Variants in SLC34A3 observed in about 807,000 individuals in gnomAD.
SLC34A3 encodes solute carrier family 34 member 3.
SLC34A3 carries 60 observed loss-of-function variants against 43.9 expected under a neutral mutation model. The observed-to-expected ratio is 1.37, with a 90% CI of 1.11 to 1.70. The LOEUF (loss-of-function observed/expected upper bound fraction) is 1.70, where lower values mean the gene tolerates loss of function less well. SLC34A3 is among the 40% of genes most tolerant of loss of function. The pLI is 0.00. For missense variants in SLC34A3, 969 were observed against 823.8 expected, an observed-to-expected ratio of 1.18 and a Z score of -2.16; for synonymous variants, 451 against 386.2, an observed-to-expected ratio of 1.17 and a Z score of -1.97.
Position 137,233,174 on chromosome 9 carries a change from C to A in SLC34A3, c.561-35C>A, listed in dbSNP as rs1460295866. The A allele has an allele frequency of 2.6e-6, 4 of 1,557,898 alleles. No homozygotes were observed. In the East Asian group the frequency reaches 9.7e-5, roughly 38 times the overall value. On this transcript the variant is annotated intron_variant, in intron 6 of 12. Coordinates refer to ENST00000673835, the MANE Select transcript of SLC34A3 (RefSeq NM_001177316.2). ...GCAGTGGCAGCCCCAGCCCGGGCCC[C>A]CCCACCTGACCCTGCCCACTCTCTG...
intron 7 of SLC34A3, 65 bp from the exon 8 acceptor site, chr9:137,233,568 G>A (rs961369924): frequency 2.5e-5 from 40 of 1,574,906 alleles, no homozygotes; most frequent in Middle Eastern, 1.7e-4. Flanking sequence ...CCCCGCGGGC[G>A]CCAGAGCCCC....
At chr9:137,230,499 G>C (rs1036598032), upstream of SLC34A3, among the ~76,000 whole-genome samples, 1 of 152,218 alleles carries the variant, frequency 6.6e-6, no homozygotes. Flanking sequence ...AGAAGGTCTG[G>C]GGAGCCCTGA....
In SLC34A3 at chr9:137,236,548, T is replaced by G; in HGVS notation, c.*132T>G. Reference sequence around the variant, plus strand: ...CTTCTGTGCAAATAAACCAGGCTGTTATCTGGGGTGGCGGTCCTCACTCCC... The same window carrying G: ...CTTCTGTGCAAATAAACCAGGCTGTGATCTGGGGTGGCGGTCCTCACTCCC... On this transcript the variant is annotated 3_prime_UTR_variant, in exon 13 of 13. Coordinates refer to ENST00000673835, the MANE Select transcript of SLC34A3 (RefSeq NM_001177316.2). 1 of 823,336 alleles carries G rather than the reference T, an allele frequency of 1.2e-6. No homozygotes were observed. The highest frequency in any genetic ancestry group is 2.0e-6 in the Non-Finnish European group (1 of 502,420). 51.0% of individuals were successfully genotyped at this position (823,336 alleles called of 1,614,324 possible). A position where few individuals can be genotyped will look rare whatever the true frequency, so the allele number is the denominator to read the frequency against.
Position 137,231,744 on chromosome 9 carries a change from T to A in SLC34A3, c.42T>A (p.Thr14=), listed in dbSNP as rs764319812. 3 of 1,612,770 alleles carry A rather than the reference T, an allele frequency of 1.9e-6. No individual in the cohort carries two copies. Among genetic ancestry groups the A allele is most frequent in the East Asian group, 2.2e-5 (1 of 44,852 alleles). Reference sequence around the variant, plus strand: ...CCGGCAGCCAGGTCCCCCACCCCACTCTGGACGCGGTTGACCTAGTGGAAA... The same window carrying A: ...CCGGCAGCCAGGTCCCCCACCCCACACTGGACGCGGTTGACCTAGTGGAAA... ...SLPGSQVPHP[T]LDAVDLVEKT... Residue 14 remains threonine (T), a synonymous_variant, in exon 2 of 13, where the codon ACT becomes ACA. Transcript: ENST00000673835.
At chr9:137,235,905 AC>A (rs769484381) in intron 12 of SLC34A3, 46 bp from the exon 13 acceptor site, 12 of 1,580,238 alleles carry the variant, frequency 7.6e-6, no homozygotes, top group Non-Finnish European at 1.0e-5. Context: ...GCCCCTGGTG[AC>A]CCCACCTCGT....
Position 137,234,053 on chromosome 9 carries a change from G to GGGGCC in SLC34A3, c.926-56_926-55insGGGCC. ...CGGACAGGCTGCCCTGTGAGGCCCG[G>GGGGCC]CCCACCCCGGCCCACCCCCCAGGCT... On this transcript the variant is annotated intron_variant, in intron 9 of 12. Coordinates refer to ENST00000673835, the MANE Select transcript of SLC34A3 (RefSeq NM_001177316.2). This position sits in a 1 kb window ranked among gnomAD's most constrained non-coding sequence, Gnocchi z 6.9. The GGGGCC allele has an allele frequency of 1.2e-5, 15 of 1,302,188 alleles. No homozygotes were observed. Among genetic ancestry groups the GGGGCC allele is most frequent in the Non-Finnish European group, 9.6e-6 (9 of 939,744 alleles). The allele number at this position is 1,302,188 out of a possible 1,614,324, so 80.7% of individuals were successfully genotyped here.
rs199976309 is a variant in SLC34A3, at chr9:137,234,285, G to C, written c.1093+9G>C. On this transcript the variant is annotated intron_variant, in intron 10 of 12. Transcript: ENST00000673835. The surrounding 1 kb of genome is among the most constrained non-coding windows in gnomAD (Gnocchi z 6.9). Reference sequence around the variant, plus strand: ...GACAGTCATCAATGCGGGTGAGGGCGTGGGAGGAGGTGCGGTGGCCAGGGC... The same window carrying C: ...GACAGTCATCAATGCGGGTGAGGGCCTGGGAGGAGGTGCGGTGGCCAGGGC... The C allele has an allele frequency of 7.5e-6, 12 of 1,609,568 alleles. No homozygotes were observed. In the South Asian group the frequency reaches 1.3e-4, roughly 18 times the overall value.
At chr9:137,231,619 CG>C in intron 1 of SLC34A3, 44 bp from the exon 2 acceptor site, 1 of 1,220,902 alleles carries the variant, frequency 8.2e-7, no homozygotes, top group Non-Finnish European at 1.2e-6. Flanking sequence ...AGGACAGGGC[CG>C]GGGCAGGAGG....
Position 137,233,724 on chromosome 9 carries a change from T to C in SLC34A3, c.846+2T>C. The C allele has an allele frequency of 1.2e-6, 2 of 1,612,306 alleles. No individual in the cohort carries two copies. Among genetic ancestry groups the C allele is most frequent in the South Asian group, 2.2e-5 (2 of 91,064 alleles). The stretch of plus-strand genomic sequence containing the variant: ...TGGTGCGGCACCACGGGGCAGCCGG[T>C]GAGGCACCCAACCCTAGGCCCTCAC... On this transcript the variant is annotated splice_donor_variant, in intron 8 of 12. Transcript: ENST00000673835. LOFTEE classifies it high-confidence loss of function.
rs1040164729 is a variant in SLC34A3, at chr9:137,232,791, G to A, written c.312G>A (p.Val104=). The A allele has an allele frequency of 1.9e-6, 3 of 1,612,934 alleles. No homozygotes were observed. The highest frequency in any genetic ancestry group is 2.7e-5 in the African/African-American group (2 of 74,938). Residue 104 remains valine, a synonymous_variant, in exon 5 of 13, where the codon GTG becomes GTA. Coordinates refer to ENST00000673835, the MANE Select transcript of SLC34A3 (RefSeq NM_001177316.2). ...CCTCTCTTGCCGGTGTAGGCAAAGTGGCCGGAGACATCTTCAAGGACAACG... is the reference window on the plus strand; with the variant it reads ...CCTCTCTTGCCGGTGTAGGCAAAGTAGCCGGAGACATCTTCAAGGACAACG... ...SSAFQLLGSK[V]AGDIFKDNVV...
chr9:137,232,515 T>G, intron 3 of SLC34A3, 60 bp from the exon 4 acceptor site: 1 of 1,604,432 alleles, frequency 6.2e-7, no homozygotes, highest in Non-Finnish European at 8.5e-7. Context: ...ATGAGGGGCC[T>G]GGGAGGGAGA....
Position 137,236,369 on chromosome 9 carries a change from G to GC in SLC34A3, c.1755dup (p.Tyr586LeufsTer7). On this transcript the variant is annotated frameshift_variant, in exon 13 of 13. Transcript: ENST00000673835. LOFTEE classifies it high-confidence loss of function. ...CCCCCCGAAGGCCACCACCAAAGAG[G>GC]CCTACTGCTACGAGAACCCTGAGAT... The GC allele has an allele frequency of 6.5e-7, 1 of 1,539,796 alleles. No homozygotes were observed. Among genetic ancestry groups the GC allele is most frequent in the Non-Finnish European group, 8.7e-7 (1 of 1,146,780 alleles).
In SLC34A3 at chr9:137,231,753, G is replaced by A. The variant is rs528614270; in HGVS notation, c.51G>A (p.Ala17=). The A allele has an allele frequency of 1.7e-5, 27 of 1,613,174 alleles. No homozygotes were observed. Among genetic ancestry groups the A allele is most frequent in the Middle Eastern group, 1.6e-4 (1 of 6,062 alleles). ...GSQVPHPTLD[A]VDLVEKTLRN... ...AGGTCCCCCACCCCACTCTGGACGC[G>A]GTTGACCTAGTGGAAAAGACTCTGA... Residue 17 remains alanine, a synonymous_variant, in exon 2 of 13, where the codon GCG becomes GCA. Transcript: ENST00000673835.
In SLC34A3 at chr9:137,232,821, G is replaced by C. The variant is rs367743155; in HGVS notation, c.342G>C (p.Val114=). The C allele has an allele frequency of 2.5e-6, 4 of 1,612,922 alleles. No homozygotes were observed. The highest frequency in any genetic ancestry group is 1.3e-5 in the African/African-American group (1 of 74,940). The change falls in exon 5 of 13, where the codon GTG becomes GTC. Residue 114 remains valine (V), a synonymous_variant. Coordinates refer to ENST00000673835, the MANE Select transcript of SLC34A3 (RefSeq NM_001177316.2). ...VAGDIFKDNV[V]LSNPVAGLVI... ...GAGACATCTTCAAGGACAACGTGGT[G>C]CTGTCCAACCCTGTGGCTGGACTGG...
Position 137,231,689 on chromosome 9 carries a change from C to A in SLC34A3, c.-14C>A. 6.2e-7 allele frequency: 1 copy of A among 1,611,948 alleles called. No individual in the cohort carries two copies. On this transcript the variant is annotated 5_prime_UTR_variant, in exon 2 of 13. Coordinates refer to ENST00000673835, the MANE Select transcript of SLC34A3 (RefSeq NM_001177316.2). ...ATCTAGACCTGGGCCTGGGTCTGTC[C>A]CTGCCCGAAATCCATGCCGAGTTCC...
chr9:137,233,779 T>TTGGCCCCCCCCCCCCCCCCCCCAC, intron 8 of SLC34A3, 57 bp downstream of exon 8: 1 of 1,445,818 alleles, frequency 6.9e-7, no homozygotes. Flanking sequence ...TGCTGAGTCA[T>TTGGCCCCCCCCCCCCCCCCCCCAC]CCCGCCCCAC....
chr9:137,232,313 C>T (rs1009761745), intron 3 of SLC34A3, 152 bp downstream of exon 3: 21 of 851,982 alleles, frequency 2.5e-5, no homozygotes, highest in East Asian at 7.8e-5. Context: ...GTCCCTCAAC[C>T]GGGTGTCTGT....
rs770594137 is a variant in SLC34A3 at position 137,236,175 on chromosome 9, C to T, written c.1559C>T (p.Pro520Leu). 2.8e-5 allele frequency: 45 copies of T among 1,606,450 alleles called. No individual in the cohort carries two copies. Among genetic ancestry groups the T allele is most frequent in the Non-Finnish European group, 3.7e-5 (44 of 1,178,014 alleles). The change falls in exon 13 of 13, where the codon CCC becomes CTC. Residue 520 changes from proline (P) to leucine (L), a missense_variant. Pro to Leu is a moderately conservative substitution (Grantham distance 98). Coordinates refer to ENST00000673835, the MANE Select transcript of SLC34A3 (RefSeq NM_001177316.2). ...ATGGAGCTGGCCGCTGTCGGGGGTC[C>T]CCTGGTGGGGCTGGTGCTCCTCGTC... ...GGMELAAVGG[P>L]LVGLVLLVIL...
At chr9:137,235,312 G>A (rs528147585) in intron 12 of SLC34A3, among the ~76,000 whole-genome samples, 6 of 152,258 alleles carry the variant, frequency 3.9e-5, no homozygotes, top group East Asian at 1.9e-4. Flanking sequence ...CCTGCTGCCC[G>A]GAGGCCCAAC....
Sources: gnomAD v4.1 joint callset for allele counts (sites outside exome capture counted in the v4.1 genomes callset) on GRCh38, gnomAD v4.1.1 for gene constraint, Gnocchi (gnomAD v3.1) non-coding constraint, MANE v1.5 for transcripts, NCBI Gene and HGNC (gene_info 2026-07-23, HGNC 2026-07-21) for gene names.